PTBP3: variants seen among roughly 807,000 people sequenced by gnomAD.
PTBP3 encodes polypyrimidine tract-binding protein 3.
A neutral mutation model predicts 58.7 loss-of-function variants in PTBP3; 20 were observed. That is an observed-to-expected ratio of 0.34 (90% CI 0.24 to 0.50). The LOEUF is 0.50. PTBP3 is among the 20% of genes least tolerant of loss of function. PTBP3 has a pLI of 0.98. For synonymous variants in PTBP3, 185 were observed against 219.8 expected (o/e 0.84, Z 1.40); for missense variants, 509 against 637.2 (o/e 0.80, Z 2.17).
chr9:112,284,961 A>AC (rs1828044540), intron 2 of PTBP3, among the ~76,000 whole-genome samples: 1 of 4,584 alleles, frequency 2.2e-4, no homozygotes, highest in Non-Finnish European at 3.2e-4. Flanking sequence ...CTTTTGGGTT[A>AC]TGTTGGAATG....
At chr9:112,228,112 A>T (rs911869352) in intron 11 of PTBP3, among the ~76,000 whole-genome samples, 2 of 152,226 alleles carry the variant, frequency 1.3e-5, no homozygotes, top group African/African-American at 4.8e-5. Flanking sequence ...AAAACAAATC[A>T]TGCTTATTAA....
intron 1 of PTBP3, among the ~76,000 whole-genome samples, chr9:112,309,233 T>C (rs1019412857): frequency 6.6e-6 from 1 of 152,154 alleles, no homozygotes; most frequent in African/African-American, 2.4e-5. Context: ...TCTTAAATAC[T>C]GAAATATCCA....
chr9:112,254,236 T>C (rs1836256851), intron 5 of PTBP3, among the ~76,000 whole-genome samples: 1 of 152,182 alleles, frequency 6.6e-6, no homozygotes, highest in Non-Finnish European at 1.5e-5. Flanking sequence ...TCCTCCCATC[T>C]TGGCCTTCCG....
the PTBP3 span, among the ~76,000 whole-genome samples, chr9:112,355,803 T>C: frequency 6.6e-6 from 1 of 151,940 alleles, no homozygotes; most frequent in African/African-American, 2.4e-5. Flanking sequence ...TATTTTTTTG[T>C]AGAGACAGGG....
rs929130612 is a variant in PTBP3, at chr9:112,234,745, T to G, written c.880+75A>C. 4 of 1,359,730 alleles carry G rather than the reference T, an allele frequency of 2.9e-6. 1 individual carries two copies. The Admixed American group carries it at 7.4e-5, about 25-fold the overall frequency. 84.2% of individuals were successfully genotyped at this position (1,359,730 alleles called of 1,614,324 possible). On this transcript the variant is annotated intron_variant, in intron 8 of 13. Coordinates refer to ENST00000374257, the MANE Select transcript of PTBP3 (RefSeq NM_001163788.4). ...GTAAATTCTTCAAATATGATAACATTCTTCATCTTGGTAAGTTCCTAGAAA... is the reference window on the plus strand; with the variant it reads ...GTAAATTCTTCAAATATGATAACATGCTTCATCTTGGTAAGTTCCTAGAAA...
the PTBP3 span, among the ~76,000 whole-genome samples, chr9:112,352,239 A>G: frequency 6.6e-6 from 1 of 152,164 alleles, no homozygotes; most frequent in Non-Finnish European, 1.5e-5. Context: ...TTATTAAAGT[A>G]CAGTATTTGA....
chr9:112,331,860 C>T (rs905831512), intron 1 of PTBP3, among the ~76,000 whole-genome samples: 2 of 152,158 alleles, frequency 1.3e-5, no homozygotes, highest in African/African-American at 4.8e-5. Flanking sequence ...ACAGCAAAGA[C>T]GCAAAATTCA....
At chr9:112,330,564 A>T (rs112035209) in intron 1 of PTBP3, 1 of 807,464 alleles carries the variant, frequency 1.2e-6, no homozygotes, top group Non-Finnish European at 2.0e-6. Context: ...AAGGGGAAAA[A>T]GCATTATAAT....
chr9:112,317,227 A>G (rs533336569), intron 1 of PTBP3, among the ~76,000 whole-genome samples: 50 of 152,072 alleles, frequency 3.3e-4, no homozygotes, highest in Admixed American at 2.4e-3. Context: ...CCTGGGCAAC[A>G]CAGTGAGACC....
intron 3 of PTBP3, 108 bp downstream of exon 3, chr9:112,275,736 C>A (rs1827582400): frequency 7.6e-6 from 8 of 1,054,856 alleles, no homozygotes; most frequent in Non-Finnish European, 1.1e-5. Context: ...AACTTATGTT[C>A]ATAGTATGAA....
At chr9:112,226,317 T>C (rs1213219662) in intron 12 of PTBP3, among the ~76,000 whole-genome samples, 4 of 152,144 alleles carry the variant, frequency 2.6e-5, no homozygotes, top group Non-Finnish European at 5.9e-5. Flanking sequence ...TATTCAGCAT[T>C]CTTCTGAGTA....
chr9:112,364,274 T>C, the PTBP3 span, among the ~76,000 whole-genome samples: 1 of 144,212 alleles, frequency 6.9e-6, no homozygotes, highest in Non-Finnish European at 1.5e-5. Flanking sequence ...ATAAGAGAAT[T>C]TCAAGAAGAC....
chr9:112,242,115 C>T (rs1019072178), intron 7 of PTBP3, among the ~76,000 whole-genome samples: 1 of 152,050 alleles, frequency 6.6e-6, no homozygotes, highest in African/African-American at 2.4e-5. Flanking sequence ...TATTAAATCA[C>T]ATTTTAATTA....
At position 112,223,501 on chromosome 9, in the gene PTBP3, A is replaced by G; in HGVS notation, c.*350T>C. ...TTTTTAAAAGTACAAATGAGTTTAG[A>G]AATGTTGTATAAGGCTGATCTGGAC... On this transcript the variant is annotated 3_prime_UTR_variant, in exon 14 of 14. Coordinates refer to ENST00000374257, the MANE Select transcript of PTBP3 (RefSeq NM_001163788.4). 2 of 920,650 alleles carry G rather than the reference A, an allele frequency of 2.2e-6. No homozygotes were observed. Among genetic ancestry groups the G allele is most frequent in the South Asian group, 4.6e-5 (1 of 21,534 alleles). 57.0% of individuals were successfully genotyped at this position (920,650 alleles called of 1,614,324 possible).
intron 1 of PTBP3, among the ~76,000 whole-genome samples, chr9:112,316,527 T>C (rs1335796228): frequency 2.0e-5 from 3 of 152,104 alleles, no homozygotes; most frequent in East Asian, 3.8e-4. Context: ...CACCAGCACC[T>C]TGTAAAAGTT....
intron 1 of PTBP3, among the ~76,000 whole-genome samples, chr9:112,312,426 G>C (rs979696911): frequency 2.7e-5 from 4 of 149,774 alleles, no homozygotes; most frequent in Middle Eastern, 3.5e-3. Flanking sequence ...GAGCCCAGGA[G>C]ATCAAGGCTG....
At chr9:112,257,940 C>CAAAAAAA (rs56934009) in intron 5 of PTBP3, among the ~76,000 whole-genome samples, 2 of 119,336 alleles carry the variant, frequency 1.7e-5, no homozygotes. Flanking sequence ...GACTCCATCT[C>CAAAAAAA]AAAAAAAAAA....
At chr9:112,362,098 G>C in the PTBP3 span, among the ~76,000 whole-genome samples, 1 of 152,104 alleles carries the variant, frequency 6.6e-6, no homozygotes, top group Non-Finnish European at 1.5e-5. Context: ...CAGCACTTTG[G>C]GAGGCTGAGG....
chr9:112,292,223 A>G (rs1346271924), intron 2 of PTBP3, among the ~76,000 whole-genome samples: 2 of 152,244 alleles, frequency 1.3e-5, no homozygotes, highest in Non-Finnish European at 2.9e-5. Flanking sequence ...TCAAAACCAC[A>G]TATCACCTCA....
Sources: gnomAD v4.1 joint callset for allele counts (sites outside exome capture counted in the v4.1 genomes callset) on GRCh38, gnomAD v4.1.1 for gene constraint, MANE v1.5 for transcripts, NCBI Gene and HGNC (gene_info 2026-07-23, HGNC 2026-07-21) for gene names.